Variants in PRUNE2 observed in about 807,000 individuals in gnomAD.
The protein encoded by PRUNE2 is protein prune homolog 2.
PRUNE2 carries 164 observed loss-of-function variants against 252.0 expected under a neutral mutation model. The ratio of observed to expected loss-of-function variants is 0.65; its 90% CI spans 0.57 to 0.74. The LOEUF (loss-of-function observed/expected upper bound fraction) is 0.74. Among genes scored for constraint, PRUNE2 ranks in the 30% least tolerant of loss-of-function variants. PRUNE2 has a pLI of 0.00. For missense variants in PRUNE2, 3,495 were observed against 3,711.0 expected, an observed-to-expected ratio of 0.94 and a Z score of 1.51; for synonymous variants, 1,292 against 1,350.2, an observed-to-expected ratio of 0.96 and a Z score of 0.94.
chr9:76,810,019 G>A (rs2057249379), intron 6 of PRUNE2, among the ~76,000 whole-genome samples: 1 of 152,238 alleles, frequency 6.6e-6, no homozygotes, highest in Non-Finnish European at 1.5e-5. Flanking sequence ...GGTTCAACAT[G>A]ACTGTTTCCC....
chr9:76,807,842 A>G (rs1456716860), intron 6 of PRUNE2, among the ~76,000 whole-genome samples: 1 of 152,208 alleles, frequency 6.6e-6, no homozygotes, highest in Non-Finnish European at 1.5e-5. Context: ...TTATAAAACA[A>G]TCGAGCACAT....
chr9:76,839,574 C>G (rs753819071), intron 4 of PRUNE2, among the ~76,000 whole-genome samples: 2 of 152,148 alleles, frequency 1.3e-5, no homozygotes, highest in African/African-American at 2.4e-5. Context: ...GGAGAGATGA[C>G]GTGGTGGTCT....
chr9:76,828,002 C>G (rs999416045), intron 4 of PRUNE2, among the ~76,000 whole-genome samples: 2 of 152,192 alleles, frequency 1.3e-5, no homozygotes, highest in East Asian at 3.8e-4. Context: ...GCTAACGATT[C>G]AAGATTAGGC....
Position 76,710,164 on chromosome 9 carries a change from G to T in PRUNE2, c.2110C>A (p.Gln704Lys). The T allele has an allele frequency of 6.2e-7, 1 of 1,613,854 alleles. No homozygotes were observed. Among genetic ancestry groups the T allele is most frequent in the South Asian group, 1.1e-5 (1 of 91,052 alleles). ...IDRRASDSVFQPKSLEFTKSG... is the reference protein window; with the variant it reads ...IDRRASDSVFKPKSLEFTKSG... ...TTTGTAAATTCGAGGCTCTTTGGTT[G>T]AAATACAGAATCTGAGGCTCTCCTA... The change falls in exon 8 of 19, where the codon CAA (glutamine) becomes AAA (lysine). Residue 704 changes from glutamine to lysine, a missense_variant. By Grantham distance (53) the Gln-to-Lys change is moderately conservative. Coordinates refer to ENST00000376718, the MANE Select transcript of PRUNE2 (RefSeq NM_015225.3).
chr9:76,699,591 C>G (rs2045707381), intron 9 of PRUNE2, among the ~76,000 whole-genome samples: 1 of 152,194 alleles, frequency 6.6e-6, no homozygotes, highest in African/African-American at 2.4e-5. Context: ...AACTCACATT[C>G]ACGACTGCAA....
At chr9:76,666,103 AAG>A (rs555869943) in intron 9 of PRUNE2, among the ~76,000 whole-genome samples, 4 of 152,194 alleles carry the variant, frequency 2.6e-5, no homozygotes, top group African/African-American at 7.2e-5. Context: ...ACCAGAAGAC[AAG>A]AGTGTGAGCC....
intron 1 of PRUNE2, among the ~76,000 whole-genome samples, chr9:76,861,931 C>T (rs1247018930): frequency 6.6e-6 from 1 of 152,150 alleles, no homozygotes; most frequent in Non-Finnish European, 1.5e-5. Flanking sequence ...CCCTGAAGGG[C>T]TCCTAAGGGA....
At chr9:76,833,858 G>T (rs1211725721) in intron 4 of PRUNE2, among the ~76,000 whole-genome samples, 1 of 150,362 alleles carries the variant, frequency 6.7e-6, no homozygotes, top group African/African-American at 2.4e-5. Context: ...TTCAAATCAG[G>T]AATGAGACCA....
At chr9:76,773,916 T>A (rs918534395) in intron 6 of PRUNE2, among the ~76,000 whole-genome samples, 3 of 151,930 alleles carry the variant, frequency 2.0e-5, no homozygotes, top group Non-Finnish European at 2.9e-5. Context: ...ATAAAGCAGG[T>A]AGAGAAATGA....
chr9:76,817,995 T>C (rs1424731657), intron 6 of PRUNE2, among the ~76,000 whole-genome samples: 1 of 152,208 alleles, frequency 6.6e-6, no homozygotes, highest in Non-Finnish European at 1.5e-5. Context: ...AGTCATCTTT[T>C]CAAAATATTT....
intron 6 of PRUNE2, among the ~76,000 whole-genome samples, chr9:76,735,615 C>T (rs1167870539): frequency 1.3e-5 from 2 of 151,906 alleles, no homozygotes; most frequent in African/African-American, 4.8e-5. Context: ...GCTGCACCAG[C>T]CTAAGAAGCT....
At chr9:76,746,863 T>A (rs115284365) in intron 6 of PRUNE2, among the ~76,000 whole-genome samples, 5,725 of 152,228 alleles carry the variant, frequency 0.038, 146 homozygotes, top group Non-Finnish European at 0.055. Context: ...GCCCTGTGCA[T>A]CTCTTCCATG....
intron 16 of PRUNE2, among the ~76,000 whole-genome samples, chr9:76,627,114 T>C (rs924051376): frequency 1.3e-4 from 20 of 151,994 alleles, no homozygotes; most frequent in Admixed American, 1.0e-3. Context: ...TTCTTCTTCT[T>C]TTTTGAGACA....
intron 1 of PRUNE2, among the ~76,000 whole-genome samples, chr9:76,902,036 TG>T (rs35885555): frequency 6.6e-6 from 1 of 152,194 alleles, no homozygotes; most frequent in Admixed American, 6.5e-5. Flanking sequence ...TTGCATCACC[TG>T]GGGGGGTCTG....
intron 6 of PRUNE2, among the ~76,000 whole-genome samples, chr9:76,716,142 A>T (rs977111388): frequency 1.3e-5 from 2 of 152,218 alleles, no homozygotes; most frequent in African/African-American, 2.4e-5. Context: ...GCATAAGATT[A>T]AGAATCAGTA....
At chr9:76,806,913 G>A (rs541244479) in intron 6 of PRUNE2, among the ~76,000 whole-genome samples, 6 of 152,012 alleles carry the variant, frequency 3.9e-5, no homozygotes, top group Admixed American at 3.9e-4. Flanking sequence ...TTTCAAAGAC[G>A]GAACACACTG....
chr9:76,658,788 T>C (rs1850179633), intron 9 of PRUNE2, among the ~76,000 whole-genome samples: 1 of 152,232 alleles, frequency 6.6e-6, no homozygotes, highest in Non-Finnish European at 1.5e-5. Flanking sequence ...GTATTAAAAC[T>C]GCTTCATGGT....
In PRUNE2 at chr9:76,854,185, C is replaced by G. The variant is rs781291777; in HGVS notation, c.60G>C (p.Lys20Asn). ...ATTTAGGCCCAATAACCACATGGAC[C>G]TTCTCCAAGCGTTTGCTTCGATTCT... ...SKLNRSKRLE[K>N]VHVVIGPKSC... is the part of the protein sequence containing the mutation. The change falls in exon 2 of 19, where the codon AAG (lysine) becomes AAC (asparagine). Residue 20 changes from lysine to asparagine, a missense_variant. By Grantham distance (94) the Lys-to-Asn change is moderately conservative. Transcript: ENST00000376718. 1.3e-6 allele frequency: 2 copies of G among 1,596,776 alleles called. No individual in the cohort carries two copies. Among genetic ancestry groups the G allele is most frequent in the African/African-American group, 2.7e-5 (2 of 74,652 alleles).
rs1235759830 is a variant in PRUNE2, at chr9:76,705,333, C to T, written c.6941G>A (p.Gly2314Glu). The T allele has an allele frequency of 1.9e-6, 3 of 1,613,856 alleles. No individual in the cohort carries two copies. In the Admixed American group the frequency reaches 5.0e-5, roughly 27 times the overall value. ...CAGTTTACTCATGTCATCTATTGTT[C>T]CCGTGGATGTGTTGAGACCTGAGGC... is the stretch of plus-strand genomic sequence containing the variant. ...SDASGLNTST[G>E]TIDDMSKLTL... Residue 2314 changes from glycine to glutamate, a missense_variant, in exon 8 of 19, where the codon GGA becomes GAA. Gly to Glu is a moderately conservative substitution (Grantham distance 98, BLOSUM62 -2). Coordinates refer to ENST00000376718, the MANE Select transcript of PRUNE2 (RefSeq NM_015225.3).
Sources: allele counts gnomAD v4.1 joint callset (sites outside exome capture counted in the v4.1 genomes callset), GRCh38; gene constraint gnomAD v4.1.1; transcripts MANE v1.5; gene names NCBI Gene and HGNC (gene_info 2026-07-23, HGNC 2026-07-21).